FGD4: variants seen among roughly 807,000 people sequenced by gnomAD.
FGD4 encodes FYVE, RhoGEF and PH domain-containing protein 4.
FGD4 carries 42 observed loss-of-function variants against 102.0 expected under a neutral mutation model. That is an observed-to-expected ratio of 0.41 (90% CI 0.32 to 0.53). FGD4 has a LOEUF of 0.53. Among genes scored for constraint, FGD4 ranks in the 20% least tolerant of loss-of-function variants. The pLI is 0.21. For synonymous variants in FGD4, 380 were observed against 375.7 expected (o/e 1.01, Z -0.13); for missense variants, 902 against 1,078.2 (o/e 0.84, Z 2.29).
chr12:32,452,915 C>G (rs1942820313), intron 1 of FGD4, among the ~76,000 whole-genome samples: 1 of 151,864 alleles, frequency 6.6e-6, no homozygotes, highest in Admixed American at 6.6e-5. Context: ...TTGAGCCTAG[C>G]AGGTCGAGGG....
At chr12:32,584,046 T>C (rs1402906964) in intron 4 of FGD4, among the ~76,000 whole-genome samples, 2 of 152,230 alleles carry the variant, frequency 1.3e-5, no homozygotes, top group Non-Finnish European at 2.9e-5. Flanking sequence ...ATGGATGCAT[T>C]TTCTTAGATG....
intron 1 of FGD4, among the ~76,000 whole-genome samples, chr12:32,449,302 A>G (rs1197669870): frequency 6.6e-6 from 1 of 152,242 alleles, no homozygotes; most frequent in African/African-American, 2.4e-5. Flanking sequence ...CCCAGATCCC[A>G]TTTAAAGTTT....
At chr12:32,602,396 A>G (rs1326487303) in intron 7 of FGD4, 79 bp downstream of exon 7, 1 of 1,556,468 alleles carries the variant, frequency 6.4e-7, no homozygotes, top group African/African-American at 1.4e-5. Context: ...TAAAACTGAG[A>G]TCTAGAGATC....
chr12:32,612,680 A>T (rs1949217825), intron 10 of FGD4, among the ~76,000 whole-genome samples: 1 of 151,912 alleles, frequency 6.6e-6, no homozygotes, highest in South Asian at 2.1e-4. Flanking sequence ...TCATTTCCTG[A>T]CATCAATTCT....
intron 1 of FGD4, among the ~76,000 whole-genome samples, chr12:32,437,409 G>A (rs926467588): frequency 3.9e-5 from 6 of 152,214 alleles, no homozygotes; most frequent in African/African-American, 1.4e-4. Context: ...GCTGAGCACG[G>A]AGGCTCTTTA....
chr12:32,604,936 C>CTTTTTTTTTTTTTTTTT lies in FGD4; in HGVS notation c.1404+2622_1404+2638dup, dbSNP rs575943561. Among the ~76,000 whole-genome samples the CTTTTTTTTTTTTTTTTT allele has an allele frequency of 5.7e-4, 54 of 94,512 alleles. 2 individuals are homozygous for CTTTTTTTTTTTTTTTTT. The highest frequency in any genetic ancestry group is 8.5e-4 in the African/African-American group (17 of 20,022). The allele number at this position is 94,512 out of a possible 152,430, so 62.0% of individuals were successfully genotyped here. On this transcript the variant is annotated intron_variant, in intron 7 of 16. Coordinates refer to ENST00000534526, the MANE Select transcript of FGD4 (RefSeq NM_001370298.3). ...TCAATTTTATCTAGCTTTATAGCTGCTTTTTTTTTTTTTTTTTTTGGAGTT... is the reference window on the plus strand; with the variant it reads ...TCAATTTTATCTAGCTTTATAGCTGCTTTTTTTTTTTTTTTTTTTTTTTTTTTTTTTTTTTTGGAGTT...
chr12:32,624,887 T>A, intron 12 of FGD4, 89 bp from the exon 13 acceptor site: 4 of 1,127,694 alleles, frequency 3.5e-6, no homozygotes, highest in Non-Finnish European at 5.4e-6. Flanking sequence ...TCAAAGTGAT[T>A]CCTATCATAG....
At chr12:32,620,778 A>C (rs1949791990) in intron 11 of FGD4, among the ~76,000 whole-genome samples, 1 of 147,682 alleles carries the variant, frequency 6.8e-6, no homozygotes, top group South Asian at 2.1e-4. Flanking sequence ...GCTCACTGCA[A>C]GCTCCGCCTC....
At chr12:32,585,802 C>G (rs78805830) in intron 4 of FGD4, among the ~76,000 whole-genome samples, 2 of 141,780 alleles carry the variant, frequency 1.4e-5, no homozygotes, top group Non-Finnish European at 1.5e-5. Flanking sequence ...CTACTTCACT[C>G]TCACCTGGGC....
intron 1 of FGD4, among the ~76,000 whole-genome samples, chr12:32,488,853 C>T (rs1964035): frequency 1.3e-5 from 2 of 151,596 alleles, no homozygotes; most frequent in African/African-American, 4.8e-5. Flanking sequence ...GCAGGAGAAT[C>T]GCTTGAACCC....
chr12:32,582,338 G>A lies in FGD4; in HGVS notation c.882G>A (p.Arg294=). ...CDGNASDSSY[R]TPGIGPVLPL... ...GAAATGCTTCTGACAGTAGCTACAG[G>A]ACTCCAGGCATAGGCCCAGTGCTCC... The change falls in exon 4 of 17, where the codon AGG becomes AGA. Residue 294 remains arginine, a synonymous_variant. Coordinates refer to ENST00000534526, the MANE Select transcript of FGD4 (RefSeq NM_001370298.3). 1 of 1,614,190 alleles carries A rather than the reference G, an allele frequency of 6.2e-7. No homozygotes were observed. The highest frequency in any genetic ancestry group is 8.5e-7 in the Non-Finnish European group (1 of 1,180,032).
chr12:32,548,811 A>G (rs564337157), intron 1 of FGD4, among the ~76,000 whole-genome samples: 3 of 152,362 alleles, frequency 2.0e-5, no homozygotes, highest in African/African-American at 4.8e-5. Context: ...GAGATCATGC[A>G]GCCTCAAGGC....
At chr12:32,457,404 G>A (rs780435057) in intron 1 of FGD4, among the ~76,000 whole-genome samples, 1 of 152,130 alleles carries the variant, frequency 6.6e-6, no homozygotes, top group Admixed American at 6.6e-5. Flanking sequence ...AGGAACTGTA[G>A]TTACTAGATT....
intron 1 of FGD4, among the ~76,000 whole-genome samples, chr12:32,501,720 G>A (rs1254861304): frequency 1.3e-5 from 2 of 152,126 alleles, no homozygotes; most frequent in Non-Finnish European, 2.9e-5. Context: ...CCTTATAAAA[G>A]CAGTTTCAGT....
At chr12:32,511,443 G>A (rs1167305083) in intron 1 of FGD4, among the ~76,000 whole-genome samples, 1 of 152,024 alleles carries the variant, frequency 6.6e-6, no homozygotes, top group Non-Finnish European at 1.5e-5. Flanking sequence ...GGGACTACAG[G>A]TGCCCACCAC....
At chr12:32,485,177 T>G (rs1943858952) in intron 1 of FGD4, among the ~76,000 whole-genome samples, 1 of 152,190 alleles carries the variant, frequency 6.6e-6, no homozygotes, top group South Asian at 2.1e-4. Context: ...TAATTTTACT[T>G]TATAGGCATA....
At chr12:32,410,941 T>C (rs1174261222) in intron 1 of FGD4, among the ~76,000 whole-genome samples, 1 of 149,470 alleles carries the variant, frequency 6.7e-6, no homozygotes, top group South Asian at 2.1e-4. Context: ...CTTTTTTTTT[T>C]TTTTTTTGAG....
chr12:32,447,484 C>T (rs1046545447), intron 1 of FGD4, among the ~76,000 whole-genome samples: 1 of 151,830 alleles, frequency 6.6e-6, no homozygotes, highest in African/African-American at 2.4e-5. Context: ...TTAAAATTTA[C>T]TGTCATTCTT....
rs1478397462 is a variant in FGD4, at chr12:32,544,184, G to A, written c.167-19953G>A. Among the ~76,000 whole-genome samples the A allele has an allele frequency of 6.6e-6, 1 of 152,154 alleles. No homozygotes were observed. The highest frequency in any genetic ancestry group is 2.4e-5 in the African/African-American group (1 of 41,430). Reference sequence around the variant, plus strand: ...CTTATGTCTGTAATCCCAGCACTTTGGGAGTCCGAGATGGGTGGATCTCCT... The same window carrying A: ...CTTATGTCTGTAATCCCAGCACTTTAGGAGTCCGAGATGGGTGGATCTCCT... On this transcript the variant is annotated intron_variant, in intron 1 of 16. Coordinates refer to ENST00000534526, the MANE Select transcript of FGD4 (RefSeq NM_001370298.3). The surrounding 1 kb of genome is among the most constrained non-coding windows in gnomAD (Gnocchi z 4.1).
Sources: gnomAD v4.1 joint callset for allele counts (sites outside exome capture counted in the v4.1 genomes callset) on GRCh38, gnomAD v4.1.1 for gene constraint, Gnocchi (gnomAD v3.1) non-coding constraint, MANE v1.5 for transcripts, NCBI Gene and HGNC (gene_info 2026-07-23, HGNC 2026-07-21) for gene names.